The following ZNF28 variants were observed in gnomAD, a reference collection of about 807,000 sequenced individuals.
ZNF28 encodes the protein zinc finger protein KOX24.
A neutral mutation model predicts 7.2 loss-of-function variants in ZNF28; 5 were observed. The ratio of observed to expected loss-of-function variants is 0.70; its 90% CI spans 0.36 to 1.46. ZNF28 has a LOEUF of 1.46. Ranked by LOEUF, ZNF28 falls within the 40% of genes most tolerant of loss-of-function variation. The pLI is 0.03. For synonymous variants in ZNF28, 288 were observed against 292.4 expected (o/e 0.99, Z 0.15); for missense variants, 879 against 866.6 (o/e 1.01, Z -0.18).
At chr19:52,818,917 T>C (rs1417713950) in intron 1 of ZNF28, among the ~76,000 whole-genome samples, 4 of 135,570 alleles carry the variant, frequency 3.0e-5, no homozygotes, top group Non-Finnish European at 4.6e-5. Flanking sequence ...GCATTTCTGA[T>C]GGGACTGACA....
intron 3 of ZNF28, among the ~76,000 whole-genome samples, chr19:52,806,327 T>C (rs781269843): frequency 1.3e-5 from 2 of 152,008 alleles, no homozygotes; most frequent in Non-Finnish European, 2.9e-5. Context: ...CTGAGTAGCT[T>C]GGATTACAGC....
In ZNF28 at chr19:52,806,176, T is replaced by A. The variant is rs147498477; in HGVS notation, c.142+1831A>T. Among the ~76,000 whole-genome samples, 32 of 129,254 alleles carry A rather than the reference T, an allele frequency of 2.5e-4. 2 individuals carry two copies. The East Asian group carries it at 7.5e-3, about 30-fold the overall frequency. 84.8% of individuals were successfully genotyped at this position (129,254 alleles called of 152,430 possible). On this transcript the variant is annotated intron_variant, in intron 3 of 3. Transcript: ENST00000457749. ...TGTTCTAGTGGAGAAGAAGAAGTCA[T>A]TTTTGCAGGTTACAGAATTTTTTTT...
chr19:52,806,901 T>TA (rs527315266), intron 3 of ZNF28, among the ~76,000 whole-genome samples: 142 of 151,986 alleles, frequency 9.3e-4, no homozygotes, highest in Non-Finnish European at 1.5e-3. Flanking sequence ...GACTCTGTCA[T>TA]AAAAAAAGAG....
intron 2 of ZNF28, chr19:52,810,745 G>A: frequency 8.4e-6 from 5 of 591,916 alleles, no homozygotes; most frequent in South Asian, 4.5e-5. Flanking sequence ...AAAAAAAGAG[G>A]AAAGAAGGGG....
chr19:52,808,637 A>G (rs1009797600), intron 2 of ZNF28, among the ~76,000 whole-genome samples: 1 of 151,676 alleles, frequency 6.6e-6, no homozygotes, highest in Non-Finnish European at 1.5e-5. Flanking sequence ...CTCAAAAAAA[A>G]AAAAATTAAA....
chr19:52,809,860 C>A, intron 2 of ZNF28: 1 of 648,352 alleles, frequency 1.5e-6, no homozygotes, highest in Non-Finnish European at 2.7e-6. Flanking sequence ...GGCAGTAGCA[C>A]TGGGCCTGCG....
chr19:52,820,582 GCTGTGCTTCTCCCT>G lies in ZNF28; in HGVS notation c.-74+990_-74+1003del, dbSNP rs1428539558. 2.6e-5 allele frequency among the ~76,000 whole-genome samples: 4 copies of G among 151,776 alleles called. No individual in the cohort carries two copies. In the South Asian group the frequency reaches 8.3e-4, roughly 32 times the overall value. On this transcript the variant is annotated intron_variant, in intron 1 of 3. Transcript: ENST00000457749. The stretch of plus-strand genomic sequence containing the variant: ...CCCCAGATCCCCAGGTGTCCTCCCC[GCTGTGCTTCTCCCT>G]CTGTTCTCCTTGCCACCAGCACCAC...
intron 2 of ZNF28, among the ~76,000 whole-genome samples, chr19:52,816,085 T>A (rs1815700248): frequency 6.8e-6 from 1 of 147,208 alleles, no homozygotes; most frequent in Admixed American, 6.8e-5. Flanking sequence ...GGCTCGCCAG[T>A]GAGGCTGGAA....
intron 2 of ZNF28, among the ~76,000 whole-genome samples, chr19:52,808,716 A>G (rs917155472): frequency 3.3e-5 from 5 of 152,114 alleles, no homozygotes; most frequent in Admixed American, 2.0e-4. Context: ...TGGAAGGCTA[A>G]GGAGGGAGGA....
Position 52,817,978 on chromosome 19 carries a change from C to T in ZNF28, c.-20G>A, listed in dbSNP as rs760376998. On this transcript the variant is annotated 5_prime_UTR_variant, in exon 2 of 4. Coordinates refer to ENST00000457749, the MANE Select transcript of ZNF28 (RefSeq NM_006969.5). ...AGCCATCCCTGACTCCTTTGCTTTCCTCTTCCTCTTCTGGGTTTCTTCCTC... is the reference window on the plus strand; with the variant it reads ...AGCCATCCCTGACTCCTTTGCTTTCTTCTTCCTCTTCTGGGTTTCTTCCTC... 5.0e-6 allele frequency: 8 copies of T among 1,610,700 alleles called. 1 individual carries two copies. The highest frequency in any genetic ancestry group is 3.3e-5 in the South Asian group (3 of 91,072).
rs527395218 is a variant in ZNF28, at chr19:52,799,236, T to C, written c.*452A>G. 2.6e-4 allele frequency: 106 copies of C among 402,970 alleles called. 1 individual carries two copies. Among genetic ancestry groups the C allele is most frequent in the South Asian group, 2.4e-3 (99 of 40,694 alleles). 25.0% of individuals were successfully genotyped at this position (402,970 alleles called of 1,614,324 possible). A position where few individuals can be genotyped will look rare whatever the true frequency, so the allele number is the denominator to read the frequency against. On this transcript the variant is annotated 3_prime_UTR_variant, in exon 4 of 4. Coordinates refer to ENST00000457749, the MANE Select transcript of ZNF28 (RefSeq NM_006969.5). ...CTTTTGAATTACAAGGTATGAATTT[T>C]GACCAAAGGTGTTGCCACACTCATC...
At chr19:52,817,712 T>G (rs569003402) in intron 2 of ZNF28, among the ~76,000 whole-genome samples, 6 of 152,264 alleles carry the variant, frequency 3.9e-5, no homozygotes, top group East Asian at 3.9e-4. Flanking sequence ...CATCCATGTC[T>G]GGGTGTGAGA....
chr19:52,814,701 A>ATT (rs1234912467), intron 2 of ZNF28, among the ~76,000 whole-genome samples: 1 of 146,460 alleles, frequency 6.8e-6, no homozygotes, highest in Non-Finnish European at 1.5e-5. Flanking sequence ...CCTGGCTAAA[A>ATT]AGGTGAAACC....
At position 52,812,179 on chromosome 19, in the gene ZNF28, T is replaced by TGGGA. The variant is rs1453323583; in HGVS notation, c.16-4050_16-4047dup. ...CCCCCGCCCGGCCAGCCGCCCCATCTGGGAGGTGAGGGGCGCTTCTGCCCG... is the reference window on the plus strand; with the variant it reads ...CCCCCGCCCGGCCAGCCGCCCCATCTGGGAGGGAGGTGAGGGGCGCTTCTGCCCG... On this transcript the variant is annotated intron_variant, in intron 2 of 3. Transcript: ENST00000457749. 3.4e-4 allele frequency among the ~76,000 whole-genome samples: 38 copies of TGGGA among 111,270 alleles called. 3 individuals carry two copies. Among genetic ancestry groups the TGGGA allele is most frequent in the Middle Eastern group, 5.6e-3 (1 of 178 alleles). 73.0% of individuals were successfully genotyped at this position (111,270 alleles called of 152,430 possible). A position where few individuals can be genotyped will look rare whatever the true frequency, so the allele number is the denominator to read the frequency against.
Position 52,814,759 on chromosome 19 carries a change from C to T in ZNF28, c.15+3185G>A, listed in dbSNP as rs1214392158. ...AAAATTATCTGGACATGGTGGCACT[C>T]GCTTGTATTCCCAGTTACTCAGGAG... On this transcript the variant is annotated intron_variant, in intron 2 of 3. Transcript: ENST00000457749. Among the ~76,000 whole-genome samples, 10 of 145,824 alleles carry T rather than the reference C, an allele frequency of 6.9e-5. 1 individual carries two copies. Among genetic ancestry groups the T allele is most frequent in the Non-Finnish European group, 1.3e-4 (9 of 67,572 alleles).
rs1294801629 is a variant in ZNF28 at position 52,800,987 on chromosome 19, G to A, written c.858C>T (p.Leu286=). The A allele has an allele frequency of 3.7e-6, 6 of 1,614,068 alleles. No homozygotes were observed. The highest frequency in any genetic ancestry group is 1.3e-5 in the African/African-American group (1 of 74,998). Residue 286 remains leucine (L), a synonymous_variant, in exon 4 of 4, where the codon CTC becomes CTT. Transcript: ENST00000457749. ...CAGTATGAAGCGCCTTGTGAAGGAA[G>A]AGGGATGTATTGTGACCAAAGATCT... The part of the protein sequence containing the change: ...CGKIFGHNTS[L]FLHKALHTAD...
rs1297119027 is a variant in ZNF28 at position 52,799,964 on chromosome 19, C to T, written c.1881G>A (p.Arg627=). The change falls in exon 4 of 4, where the codon AGG becomes AGA. Residue 627 remains arginine, a synonymous_variant. Coordinates refer to ENST00000457749, the MANE Select transcript of ZNF28 (RefSeq NM_006969.5). ...TGTAAGGTTTCTCTCCAGTATGAAG[C>T]CTACGATGGATTATAAGCGATGATG... ...RQTSSLIIHR[R]LHTGEKPYKC... is the part of the protein sequence containing the mutation. 5 of 1,611,128 alleles carry T rather than the reference C, an allele frequency of 3.1e-6. No homozygotes were observed. Among genetic ancestry groups the T allele is most frequent in the East Asian group, 4.5e-5 (2 of 44,688 alleles).
At chr19:52,811,734 G>T (rs538588785) in intron 2 of ZNF28, among the ~76,000 whole-genome samples, 1 of 149,414 alleles carries the variant, frequency 6.7e-6, no homozygotes, top group African/African-American at 2.5e-5. Context: ...GTCTCCGCCC[G>T]GCAGCCGCCC....
chr19:52,816,932 T>TA (rs954572096), intron 2 of ZNF28, among the ~76,000 whole-genome samples: 2 of 151,634 alleles, frequency 1.3e-5, no homozygotes, highest in African/African-American at 4.8e-5. Flanking sequence ...TCTCCAATAT[T>TA]AGAGAAAAAT....
Sources: allele counts gnomAD v4.1 joint callset (sites outside exome capture counted in the v4.1 genomes callset), GRCh38; gene constraint gnomAD v4.1.1; transcripts MANE v1.5; gene names NCBI Gene and HGNC (gene_info 2026-07-23, HGNC 2026-07-21).